Variants in SYN3 observed in about 807,000 individuals in gnomAD.
SYN3 encodes the protein synapsin-3.
A neutral mutation model predicts 65.8 loss-of-function variants in SYN3; 35 were observed. The ratio of observed to expected loss-of-function variants is 0.53; its 90% CI spans 0.41 to 0.70. SYN3 has a LOEUF of 0.70. Among genes scored for constraint, SYN3 ranks in the 30% least tolerant of loss-of-function variants. The pLI is 0.00. For missense variants in SYN3, 680 were observed against 749.0 expected (o/e 0.91, Z 1.08); for synonymous variants, 270 against 292.9 (o/e 0.92, Z 0.80).
chr22:32,689,263 G>A (rs1049578602), intron 6 of SYN3, among the ~76,000 whole-genome samples: 2 of 152,170 alleles, frequency 1.3e-5, no homozygotes, highest in Non-Finnish European at 2.9e-5. Flanking sequence ...AGTGAGGAGT[G>A]GAAAATGAAT....
intron 9 of SYN3, among the ~76,000 whole-genome samples, chr22:32,535,315 T>C: frequency 6.6e-6 from 1 of 152,196 alleles, no homozygotes; most frequent in Non-Finnish European, 1.5e-5. Flanking sequence ...TATCATAAAA[T>C]GGGAAAGCCT....
At chr22:32,993,357 T>C (rs1462285651) in intron 2 of SYN3, among the ~76,000 whole-genome samples, 1 of 152,148 alleles carries the variant, frequency 6.6e-6, no homozygotes, top group Non-Finnish European at 1.5e-5. Flanking sequence ...TTTTGTTTGT[T>C]TGTTTTGTTT....
Position 32,728,489 on chromosome 22 carries a change from A to G in SYN3, c.712-131753T>C, listed in dbSNP as rs561579231. Among the ~76,000 whole-genome samples the G allele has an allele frequency of 1.1e-4, 16 of 152,268 alleles. No individual in the cohort carries two copies. The South Asian group carries it at 1.5e-3, about 14-fold the overall frequency. On this transcript the variant is annotated intron_variant, in intron 6 of 13. Transcript: ENST00000358763. ...GACCTCTGCATCTTGGTTACTTCACATGATTTGCATCTCGGCTCAAACATC... is the reference window on the plus strand; with the variant it reads ...GACCTCTGCATCTTGGTTACTTCACGTGATTTGCATCTCGGCTCAAACATC...
intron 4 of SYN3, among the ~76,000 whole-genome samples, chr22:32,890,911 T>C (rs943781778): frequency 2.0e-5 from 3 of 152,108 alleles, no homozygotes; most frequent in Non-Finnish European, 4.4e-5. Flanking sequence ...AAGGATGCAA[T>C]GGTAAAAACT....
chr22:32,964,516 A>G (rs930704819), intron 3 of SYN3, among the ~76,000 whole-genome samples: 2 of 152,070 alleles, frequency 1.3e-5, no homozygotes, highest in African/African-American at 4.8e-5. Flanking sequence ...GGCTGTAAGA[A>G]GCAGGTCATT....
At position 32,645,451 on chromosome 22, in the gene SYN3, G is replaced by A. The variant is rs867399325; in HGVS notation, c.712-48715C>T. Among the ~76,000 whole-genome samples the A allele has an allele frequency of 3.4e-3, 471 of 136,818 alleles. 5 individuals are homozygous for A. In the East Asian group the frequency reaches 0.046, roughly 14 times the overall value. 89.8% of individuals were successfully genotyped at this position (136,818 alleles called of 152,430 possible). ...GGGCAACAAGAGCGAAACTCCGTCT[G>A]AAAAAAAAAAAAAGCTAAGGGCCCA... On this transcript the variant is annotated intron_variant, in intron 6 of 13. Transcript: ENST00000358763.
chr22:32,594,132 G>A (rs546451630), intron 7 of SYN3, among the ~76,000 whole-genome samples: 52 of 152,190 alleles, frequency 3.4e-4, no homozygotes, highest in African/African-American at 1.2e-3. Context: ...GGAAGAGGCA[G>A]TGGGAGACAA....
intron 6 of SYN3, among the ~76,000 whole-genome samples, chr22:32,752,124 G>A (rs779773851): frequency 6.6e-6 from 1 of 152,178 alleles, no homozygotes; most frequent in Non-Finnish European, 1.5e-5. Flanking sequence ...TGCTGAGTGA[G>A]TACATGACTA....
chr22:32,507,834 C>G lies in SYN3; in HGVS notation c.*5858G>C, dbSNP rs958778008. Among the ~76,000 whole-genome samples the G allele has an allele frequency of 6.6e-6, 1 of 152,070 alleles. No homozygotes were observed. The highest frequency in any genetic ancestry group is 1.9e-4 in the East Asian group (1 of 5,184). Reference sequence around the variant, plus strand: ...AAACCATATCCAGGCCGTCACCAATCATTCTACACAACAAATGTTTCTTCT... The same window carrying G: ...AAACCATATCCAGGCCGTCACCAATGATTCTACACAACAAATGTTTCTTCT... On this transcript the variant is annotated 3_prime_UTR_variant, in exon 14 of 14. Transcript: ENST00000358763.
Position 32,662,412 on chromosome 22 carries a change from T to C in SYN3, c.712-65676A>G, listed in dbSNP as rs568934857. Reference sequence around the variant, plus strand: ...CAGTGCCTTTCTTGGATTCCCCAGATGGAACTCATCATTTCCCTCCATAGC... The same window carrying C: ...CAGTGCCTTTCTTGGATTCCCCAGACGGAACTCATCATTTCCCTCCATAGC... On this transcript the variant is annotated intron_variant, in intron 6 of 13. Transcript: ENST00000358763. 4.6e-3 allele frequency among the ~76,000 whole-genome samples: 695 copies of C among 152,336 alleles called. 5 individuals carry two copies. Among genetic ancestry groups the C allele is most frequent in the Non-Finnish European group, 6.7e-3 (453 of 68,028 alleles).
chr22:32,888,077 G>T (rs749201253), intron 4 of SYN3, among the ~76,000 whole-genome samples: 5 of 152,070 alleles, frequency 3.3e-5, no homozygotes, highest in Non-Finnish European at 5.9e-5. Context: ...GATGATTAAT[G>T]ATGTTTAATA....
At chr22:32,740,204 A>G (rs1240502270) in intron 6 of SYN3, among the ~76,000 whole-genome samples, 1 of 152,234 alleles carries the variant, frequency 6.6e-6, no homozygotes, top group African/African-American at 2.4e-5. Flanking sequence ...ATTAGCAGCC[A>G]ATTTGGTGCT....
At chr22:32,852,672 G>A (rs1011806054) in intron 6 of SYN3, among the ~76,000 whole-genome samples, 5 of 152,124 alleles carry the variant, frequency 3.3e-5, no homozygotes, top group Admixed American at 1.3e-4. Flanking sequence ...ACCTTCTCCC[G>A]TCTGCTAACT....
At chr22:33,002,085 G>A (rs1049166738) in intron 2 of SYN3, among the ~76,000 whole-genome samples, 5 of 152,126 alleles carry the variant, frequency 3.3e-5, no homozygotes, top group African/African-American at 9.7e-5. Context: ...GAAACACCCC[G>A]GCAGACATCA....
chr22:32,598,608 C>T (rs1226208324), intron 6 of SYN3, among the ~76,000 whole-genome samples: 1 of 152,170 alleles, frequency 6.6e-6, no homozygotes, highest in Non-Finnish European at 1.5e-5. Flanking sequence ...GCCTCAGCCT[C>T]CCAAATAGCA....
At chr22:32,694,980 G>T (rs1480408389) in intron 6 of SYN3, among the ~76,000 whole-genome samples, 1 of 152,232 alleles carries the variant, frequency 6.6e-6, no homozygotes, top group Admixed American at 6.5e-5. Context: ...AGGATAAAGA[G>T]AAGTTGGAGG....
At chr22:32,663,355 G>A (rs2060243762) in intron 6 of SYN3, among the ~76,000 whole-genome samples, 2 of 149,692 alleles carry the variant, frequency 1.3e-5, no homozygotes, top group South Asian at 4.2e-4. Context: ...CTGGAGTGCA[G>A]TGGCGCCATC....
chr22:32,625,987 G>GGGAAGGAGGAATCAGGAAAGGCTTAA (rs908826695), intron 6 of SYN3, among the ~76,000 whole-genome samples: 1 of 152,198 alleles, frequency 6.6e-6, no homozygotes, highest in Non-Finnish European at 1.5e-5. Context: ...CTACTGGGTG[G>GGGAAGGAGGAATCAGGAAAGGCTTAA]GGAAGGAGGA....
chr22:32,993,810 T>C (rs569389967), intron 2 of SYN3, among the ~76,000 whole-genome samples: 1 of 152,140 alleles, frequency 6.6e-6, no homozygotes, highest in African/African-American at 2.4e-5. Context: ...AGGTGATCCC[T>C]CAGCACCAGC....
Sources: gnomAD v4.1 joint callset for allele counts (sites outside exome capture counted in the v4.1 genomes callset) on GRCh38, gnomAD v4.1.1 for gene constraint, MANE v1.5 for transcripts, NCBI Gene and HGNC (gene_info 2026-07-23, HGNC 2026-07-21) for gene names.